The following PAQR7 variants were observed in gnomAD, a reference collection of about 807,000 sequenced individuals.
PAQR7 encodes the protein progestin and adipoQ receptor family member 7.
A neutral mutation model predicts 24.6 loss-of-function variants in PAQR7; 14 were observed. The ratio of observed to expected loss-of-function variants is 0.57; its 90% CI spans 0.38 to 0.89. The LOEUF is 0.89. Among genes scored for constraint, PAQR7 ranks in the 40% least tolerant of loss-of-function variants. PAQR7 has a pLI of 0.00. For missense variants in PAQR7, 351 were observed against 444.0 expected, an observed-to-expected ratio of 0.79 and a Z score of 1.88; for synonymous variants, 189 against 198.8, an observed-to-expected ratio of 0.95 and a Z score of 0.42.
At position 25,863,121 on chromosome 1, in the gene PAQR7, T is replaced by C. The variant is rs1001983991; in HGVS notation, c.719A>G (p.Tyr240Cys). 6.2e-7 allele frequency: 1 copy of C among 1,614,068 alleles called. No individual in the cohort carries two copies. Among genetic ancestry groups the C allele is most frequent in the Non-Finnish European group, 8.5e-7 (1 of 1,180,020 alleles). The change falls in exon 3 of 3, where the codon TAC becomes TGC. Residue 240 changes from tyrosine to cysteine, a missense_variant. Transcript: ENST00000675840. The surrounding 1 kb of genome is among the most constrained non-coding windows in gnomAD (Gnocchi z 6.1). ...DPTTDDPALL[Y>C]HKCQVVFFLL... ...AAAGAAGACCACCTGGCACTTGTGG[T>C]AGAGAAGAGCTGGATCATCCGTGGT...
Position 25,862,907 on chromosome 1 carries a change from C to A in PAQR7, c.933G>T (p.Trp311Cys), listed in dbSNP as rs1218952283. Residue 311 changes from tryptophan to cysteine, a missense_variant, in exon 3 of 3, where the codon TGG (tryptophan) becomes TGT (cysteine). By Grantham distance (215) the Trp-to-Cys change is radical (BLOSUM62 -2). Transcript: ENST00000675840. ...RPIYEPLHTHWPHNFSGLFLL... is the reference protein window; with the variant it reads ...RPIYEPLHTHCPHNFSGLFLL... ...GGAAGAGGCCAGAAAAGTTGTGAGG[C>A]CAGTGCGTGTGCAGAGGCTCATAGA... is the stretch of plus-strand genomic sequence containing the variant. 3.1e-6 allele frequency: 5 copies of A among 1,614,138 alleles called. No individual in the cohort carries two copies. The highest frequency in any genetic ancestry group is 1.7e-5 in the Admixed American group (1 of 60,010).
Position 25,863,771 on chromosome 1 carries a change from TA to T in PAQR7, c.68del (p.Leu23HisfsTer51). On this transcript the variant is annotated frameshift_variant, in exon 3 of 3. Transcript: ENST00000675840. LOFTEE classifies it high-confidence loss of function. This position sits in a 1 kb window ranked among gnomAD's most constrained non-coding sequence, Gnocchi z 6.1. Reference sequence around the variant, plus strand: ...TGAAGACAGGCTCTGGCTGCAGAGATAGCTGAGGCTCCTGGATGACCTGCCG... The same window carrying T: ...TGAAGACAGGCTCTGGCTGCAGAGATGCTGAGGCTCCTGGATGACCTGCCG... ...SLRQVIQEPQLSLQPEPVFTV... is the reference protein window; with the variant it reads ...SLRQVIQEPQXSLQPEPVFTV... The T allele has an allele frequency of 6.2e-7, 1 of 1,613,600 alleles. No homozygotes were observed.
At position 25,874,153 on chromosome 1, in the gene PAQR7, G is replaced by A. The variant is rs2048628278; in HGVS notation, c.-109+1335C>T. Among the ~76,000 whole-genome samples the A allele has an allele frequency of 2.7e-5, 4 of 149,864 alleles. No homozygotes were observed. In the South Asian group the frequency reaches 8.5e-4, roughly 32 times the overall value. ...CTGCCTCGGCCTCCCAAAGTACTGGGATTACAGGTGTGAGCCACCATGCCC... is the reference window on the plus strand; with the variant it reads ...CTGCCTCGGCCTCCCAAAGTACTGGAATTACAGGTGTGAGCCACCATGCCC... On this transcript the variant is annotated intron_variant, in intron 1 of 2. Coordinates refer to ENST00000675840, the MANE Select transcript of PAQR7 (RefSeq NM_178422.6).
At chr1:25,870,257 C>G (rs950257141) in intron 2 of PAQR7, among the ~76,000 whole-genome samples, 1 of 152,192 alleles carries the variant, frequency 6.6e-6, no homozygotes, top group African/African-American at 2.4e-5. Context: ...TGGGCCCCTC[C>G]AAGTCTGGCA....
In PAQR7 at chr1:25,863,707, G is replaced by A; in HGVS notation, c.133C>T (p.Pro45Ser). Reference sequence around the variant, plus strand: ...GGCCGGTAGCCCGCATAGATGTACGGCTTCCAGAAGAGCGGCGGCACCTCA... The same window carrying A: ...GGCCGGTAGCCCGCATAGATGTACGACTTCCAGAAGAGCGGCGGCACCTCA... The part of the protein sequence containing the change: ...RAEVPPLFWK[P>S]YIYAGYRPLH... Residue 45 changes from proline to serine, a missense_variant, in exon 3 of 3, where the codon CCG (proline) becomes TCG (serine). Pro to Ser is a moderately conservative substitution (Grantham distance 74). Transcript: ENST00000675840. The surrounding 1 kb of genome is among the most constrained non-coding windows in gnomAD (Gnocchi z 6.1). The A allele has an allele frequency of 6.2e-7, 1 of 1,614,184 alleles. No individual in the cohort carries two copies. Among genetic ancestry groups the A allele is most frequent in the South Asian group, 1.1e-5 (1 of 91,088 alleles).
chr1:25,873,420 C>T (rs2048620544), intron 1 of PAQR7, among the ~76,000 whole-genome samples: 1 of 152,216 alleles, frequency 6.6e-6, no homozygotes, highest in Admixed American at 6.5e-5. Context: ...GGGTCACCTC[C>T]CTCAATGCAG....
chr1:25,869,967 C>G (rs1366762276), intron 2 of PAQR7, among the ~76,000 whole-genome samples: 1 of 152,166 alleles, frequency 6.6e-6, no homozygotes, highest in Admixed American at 6.5e-5. Flanking sequence ...ATGACAGAGA[C>G]CCCGCTGCCC....
chr1:25,863,411 A>G lies in PAQR7; in HGVS notation c.429T>C (p.Tyr143=). ...FWHYSFFFLD[Y]VGVAVYQFGS... ...CAAACTGGTACACGGCCACCCCCAC[A>G]TAGTCCAGGAAGAAGAAGCTGTAAT... is the stretch of plus-strand genomic sequence containing the variant. Residue 143 remains tyrosine, a synonymous_variant, in exon 3 of 3, where the codon TAT becomes TAC. Coordinates refer to ENST00000675840, the MANE Select transcript of PAQR7 (RefSeq NM_178422.6). The surrounding 1 kb of genome is among the most constrained non-coding windows in gnomAD (Gnocchi z 6.1). The G allele has an allele frequency of 6.2e-7, 1 of 1,614,254 alleles. No homozygotes were observed. Among genetic ancestry groups the G allele is most frequent in the Non-Finnish European group, 8.5e-7 (1 of 1,180,036 alleles).
chr1:25,873,728 G>A (rs955744580), intron 1 of PAQR7, among the ~76,000 whole-genome samples: 1 of 151,806 alleles, frequency 6.6e-6, no homozygotes, highest in South Asian at 2.1e-4. Context: ...ACAACACCAC[G>A]CCTGGCTAAT....
chr1:25,866,572 C>T (rs1167060140), intron 2 of PAQR7, among the ~76,000 whole-genome samples: 4 of 152,190 alleles, frequency 2.6e-5, no homozygotes, highest in African/African-American at 4.8e-5. Context: ...ACCTGCTAGA[C>T]GCTTCCCAGC....
chr1:25,871,617 C>T (rs1219428571), intron 1 of PAQR7, among the ~76,000 whole-genome samples: 1 of 152,044 alleles, frequency 6.6e-6, no homozygotes, highest in Admixed American at 6.6e-5. Flanking sequence ...CTCTCCTTAA[C>T]GAAGGCTTGC....
intron 2 of PAQR7, among the ~76,000 whole-genome samples, chr1:25,865,146 A>G (rs1471683271): frequency 1.2e-5 from 1 of 80,620 alleles, no homozygotes; most frequent in Non-Finnish European, 2.0e-5. Flanking sequence ...CTCCGTCTCA[A>G]AAAAAAAAAA....
chr1:25,863,265 T>C lies in PAQR7; in HGVS notation c.575A>G (p.Asn192Ser). Residue 192 changes from asparagine (N) to serine (S), a missense_variant, in exon 3 of 3, where the codon AAC (asparagine) becomes AGC (serine). By Grantham distance (46) the Asn-to-Ser change is conservative. Coordinates refer to ENST00000675840, the MANE Select transcript of PAQR7 (RefSeq NM_178422.6). This position sits in a 1 kb window ranked among gnomAD's most constrained non-coding sequence, Gnocchi z 6.1. ...CAGGCCTGGTTTCTGGATGTACTTG[T>C]TATAGCAGGAGCCAATGCAGGAAAG... ...AWLSCIGSCY[N>S]KYIQKPGLLG... 1 of 1,614,208 alleles carries C rather than the reference T, an allele frequency of 6.2e-7. No individual in the cohort carries two copies. Among genetic ancestry groups the C allele is most frequent in the African/African-American group, 1.3e-5 (1 of 75,060 alleles).
rs781716743 is a variant in PAQR7 at position 25,862,777 on chromosome 1, C to T, written c.*22G>A. 71 of 1,601,668 alleles carry T rather than the reference C, an allele frequency of 4.4e-5. No individual in the cohort carries two copies. Among genetic ancestry groups the T allele is most frequent in the Non-Finnish European group, 5.9e-5 (69 of 1,172,350 alleles). ...CCCTGTCCCCCAACTATACCTCCCT[C>T]CCTACCAGATGCCATCCCCCTTCAC... is the stretch of plus-strand genomic sequence containing the variant. On this transcript the variant is annotated 3_prime_UTR_variant, in exon 3 of 3. Coordinates refer to ENST00000675840, the MANE Select transcript of PAQR7 (RefSeq NM_178422.6).
At chr1:25,864,230 A>G (rs1448105076) in intron 2 of PAQR7, among the ~76,000 whole-genome samples, 2 of 152,148 alleles carry the variant, frequency 1.3e-5, no homozygotes, top group Admixed American at 1.3e-4. Flanking sequence ...GAAACACATG[A>G]GAGGGGTGAG....
chr1:25,863,373 G>A lies in PAQR7; in HGVS notation c.467C>T (p.Ala156Val), dbSNP rs773795405. Reference sequence around the variant, plus strand: ...GGGCTCGATAGCATAGTAGAAGTGTGCCAAGGCACTGCCAAACTGGTACAC... The same window carrying A: ...GGGCTCGATAGCATAGTAGAAGTGTACCAAGGCACTGCCAAACTGGTACAC... ...VAVYQFGSAL[A>V]HFYYAIEPAW... Residue 156 changes from alanine (A) to valine (V), a missense_variant, in exon 3 of 3, where the codon GCA becomes GTA. By Grantham distance (64) the Ala-to-Val change is moderately conservative. Coordinates refer to ENST00000675840, the MANE Select transcript of PAQR7 (RefSeq NM_178422.6). The surrounding 1 kb of genome is among the most constrained non-coding windows in gnomAD (Gnocchi z 6.1). The A allele has an allele frequency of 1.9e-6, 3 of 1,614,230 alleles. No homozygotes were observed. Among genetic ancestry groups the A allele is most frequent in the East Asian group, 2.2e-5 (1 of 44,880 alleles).
chr1:25,863,448 G>C lies in PAQR7; in HGVS notation c.392C>G (p.Ser131Cys), dbSNP rs138657959. ...SALAHLLQAKSEFWHYSFFFL... is the reference protein window; with the variant it reads ...SALAHLLQAKCEFWHYSFFFL... The stretch of plus-strand genomic sequence containing the variant: ...GAAGAAGCTGTAATGCCAGAACTCA[G>C]ACTTGGCCTGCAGGAGGTGAGCCAA... Residue 131 changes from serine to cysteine, a missense_variant, in exon 3 of 3, where the codon TCT becomes TGT. By Grantham distance (112) the Ser-to-Cys change is moderately radical (BLOSUM62 -1). Transcript: ENST00000675840. The surrounding 1 kb of genome is among the most constrained non-coding windows in gnomAD (Gnocchi z 6.1). The C allele has an allele frequency of 1.4e-4, 223 of 1,614,240 alleles. No individual in the cohort carries two copies. The African/African-American group carries it at 2.7e-3, about 19-fold the overall frequency.
At chr1:25,871,540 C>T (rs2048605733) in intron 1 of PAQR7, among the ~76,000 whole-genome samples, 1 of 152,062 alleles carries the variant, frequency 6.6e-6, no homozygotes, top group South Asian at 2.1e-4. Context: ...TCCTCCCTTC[C>T]CCTCCCCTCC....
chr1:25,864,493 C>T (rs983384479), intron 2 of PAQR7, among the ~76,000 whole-genome samples: 19 of 152,204 alleles, frequency 1.2e-4, no homozygotes, highest in African/African-American at 4.3e-4. Flanking sequence ...TAGCTTTACA[C>T]GAGCCGTTCC....
Sources: gnomAD v4.1 joint callset for allele counts (sites outside exome capture counted in the v4.1 genomes callset) on GRCh38, gnomAD v4.1.1 for gene constraint, Gnocchi (gnomAD v3.1) non-coding constraint, MANE v1.5 for transcripts, NCBI Gene and HGNC (gene_info 2026-07-23, HGNC 2026-07-21) for gene names.